The following TMEM181 variants were observed in gnomAD, a reference collection of about 807,000 sequenced individuals.
TMEM181 encodes the protein transmembrane protein 181, also known as G protein-coupled receptor 178.
TMEM181 carries 39 observed loss-of-function variants against 71.9 expected under a neutral mutation model. That is an observed-to-expected ratio of 0.54 (90% CI 0.42 to 0.71). The LOEUF is 0.71. Among genes scored for constraint, TMEM181 ranks in the 30% least tolerant of loss-of-function variants. The pLI is 0.00. For synonymous variants in TMEM181, 245 were observed against 228.8 expected, an observed-to-expected ratio of 1.07 and a Z score of -0.64; for missense variants, 595 against 583.0, an observed-to-expected ratio of 1.02 and a Z score of -0.21.
intron 2 of TMEM181, among the ~76,000 whole-genome samples, chr6:158,579,760 AC>A (rs529725358): frequency 1.3e-3 from 197 of 152,274 alleles, no homozygotes; most frequent in Non-Finnish European, 1.9e-3. Context: ...GGAAATTCAT[AC>A]AGAAGCTATA....
chr6:158,593,008 G>A (rs145179020), intron 6 of TMEM181, among the ~76,000 whole-genome samples: 1 of 151,808 alleles, frequency 6.6e-6, no homozygotes, highest in South Asian at 2.1e-4. Context: ...ACACATGAGT[G>A]GGGGGGTGTG....
chr6:158,574,592 T>G (rs1783058080), intron 2 of TMEM181, among the ~76,000 whole-genome samples: 1 of 152,224 alleles, frequency 6.6e-6, no homozygotes, highest in Non-Finnish European at 1.5e-5. Flanking sequence ...TCTCCATTCT[T>G]GCAGAAATGA....
chr6:158,543,556 G>A (rs1781426560), intron 1 of TMEM181, among the ~76,000 whole-genome samples: 1 of 152,234 alleles, frequency 6.6e-6, no homozygotes, highest in Non-Finnish European at 1.5e-5. Context: ...TCCTCCTGAG[G>A]GACATTCTGT....
At chr6:158,631,707 C>A in intron 16 of TMEM181, 103 bp from the exon 17 acceptor site, 1 of 1,314,364 alleles carries the variant, frequency 7.6e-7, no homozygotes, top group Non-Finnish European at 1.1e-6. Flanking sequence ...ATTGAAAGAG[C>A]GAAGCTATGA....
intron 11 of TMEM181, among the ~76,000 whole-genome samples, chr6:158,624,430 T>TG (rs894999507): frequency 2.6e-5 from 4 of 152,112 alleles, no homozygotes; most frequent in African/African-American, 9.7e-5. Flanking sequence ...AGGAAAGGGG[T>TG]GGGGGGATGG....
intron 5 of TMEM181, among the ~76,000 whole-genome samples, chr6:158,586,672 G>T (rs893368964): frequency 4.6e-5 from 7 of 152,286 alleles, no homozygotes; most frequent in Admixed American, 1.3e-4. Flanking sequence ...CAAGGGCTAG[G>T]CGCAGTGGCT....
intron 6 of TMEM181, among the ~76,000 whole-genome samples, chr6:158,599,470 G>A (rs2128311300): frequency 6.6e-6 from 1 of 152,376 alleles, no homozygotes; most frequent in South Asian, 2.1e-4. Context: ...CAAAAGGAAT[G>A]TCTAAGCCGG....
chr6:158,540,209 C>A (rs1395454413), intron 1 of TMEM181, among the ~76,000 whole-genome samples: 1 of 152,180 alleles, frequency 6.6e-6, no homozygotes, highest in African/African-American at 2.4e-5. Flanking sequence ...CCTTGAATCT[C>A]CGTATCTACA....
At chr6:158,545,517 G>A (rs1163299069) in intron 1 of TMEM181, among the ~76,000 whole-genome samples, 3 of 152,242 alleles carry the variant, frequency 2.0e-5, no homozygotes, top group South Asian at 2.1e-4. Context: ...AACGCCGCCC[G>A]CTTTTCCAGC....
chr6:158,598,681 TA>T (rs1197866473), intron 6 of TMEM181, among the ~76,000 whole-genome samples: 2 of 151,920 alleles, frequency 1.3e-5, no homozygotes, highest in East Asian at 3.9e-4. Flanking sequence ...TTTATTTATT[TA>T]TTTTTTTTTG....
rs772836867 is a variant in TMEM181 at position 158,626,277 on chromosome 6, C to G, written c.1109+523C>G. On this transcript the variant is annotated intron_variant, in intron 13 of 16. Coordinates refer to ENST00000684151, the MANE Select transcript of TMEM181 (RefSeq NM_001376852.1). Reference sequence around the variant, plus strand: ...GAGTGCCCCAGACCTCCCTGGGGACCGGTGCTGGCCAGTTGGTAGAGGAAC... The same window carrying G: ...GAGTGCCCCAGACCTCCCTGGGGACGGGTGCTGGCCAGTTGGTAGAGGAAC... 2.6e-5 allele frequency among the ~76,000 whole-genome samples: 4 copies of G among 152,076 alleles called. No individual in the cohort carries two copies. The South Asian group carries it at 8.3e-4, about 32-fold the overall frequency.
At position 158,619,426 on chromosome 6, in the gene TMEM181, C is replaced by T. The variant is rs147793009; in HGVS notation, c.897-4124C>T. On this transcript the variant is annotated intron_variant, in intron 10 of 16. Coordinates refer to ENST00000684151, the MANE Select transcript of TMEM181 (RefSeq NM_001376852.1). Reference sequence around the variant, plus strand: ...TTTTTCAAGGTTTTTAGCTTCTTGGCGATGGGTTCGAACATCCTCCTTTAG... The same window carrying T: ...TTTTTCAAGGTTTTTAGCTTCTTGGTGATGGGTTCGAACATCCTCCTTTAG... 4.6e-3 allele frequency among the ~76,000 whole-genome samples: 702 copies of T among 152,210 alleles called. 4 individuals are homozygous for T. Among genetic ancestry groups the T allele is most frequent in the African/African-American group, 0.016 (663 of 41,524 alleles).
At chr6:158,588,132 T>A (rs1783889234) in intron 5 of TMEM181, among the ~76,000 whole-genome samples, 1 of 152,334 alleles carries the variant, frequency 6.6e-6, no homozygotes, top group Middle Eastern at 3.4e-3. Context: ...CCCTTTCCAA[T>A]GTGATGAAAA....
At chr6:158,611,128 C>T in intron 10 of TMEM181, 1 of 524,146 alleles carries the variant, frequency 1.9e-6, no homozygotes, top group South Asian at 1.4e-5. Context: ...CAGTGGGTTT[C>T]TCCTGAGGGT....
At position 158,634,268 on chromosome 6, in the gene TMEM181, A is replaced by C. The variant is rs1276536654; in HGVS notation, c.*2380A>C. On this transcript the variant is annotated 3_prime_UTR_variant, in exon 17 of 17. Coordinates refer to ENST00000684151, the MANE Select transcript of TMEM181 (RefSeq NM_001376852.1). ...CGACATATTACATACCCCATGTAAA[A>C]TTTTGCTTAAACTCTCTAGCACTTG... 6.6e-6 allele frequency: 1 copy of C among 152,228 alleles called. No individual in the cohort carries two copies. Among genetic ancestry groups the C allele is most frequent in the Non-Finnish European group, 1.5e-5 (1 of 68,046 alleles). 9.4% of individuals were successfully genotyped at this position (152,228 alleles called of 1,614,324 possible).
At position 158,605,454 on chromosome 6, in the gene TMEM181, A is replaced by G. The variant is rs999284457; in HGVS notation, c.573+107A>G. 7.6e-5 allele frequency: 77 copies of G among 1,017,254 alleles called. No homozygotes were observed. The African/African-American group carries it at 1.1e-3, about 14-fold the overall frequency. The allele number at this position is 1,017,254 out of a possible 1,614,324, so 63.0% of individuals were successfully genotyped here. On this transcript the variant is annotated intron_variant, in intron 7 of 16. Transcript: ENST00000684151. ...GCCACATGGAGATTGATCTGAACTC[A>G]GATGCTCCATCCAGTGGGCTGTGCT... is the stretch of plus-strand genomic sequence containing the variant.
At chr6:158,558,571 A>T (rs1781989880), upstream of TMEM181, among the ~76,000 whole-genome samples, 1 of 152,160 alleles carries the variant, frequency 6.6e-6, no homozygotes, top group Non-Finnish European at 1.5e-5. Flanking sequence ...AGCTTATTTG[A>T]ATCAGCTAAC....
At chr6:158,606,777 A>G (rs551428734) in intron 7 of TMEM181, among the ~76,000 whole-genome samples, 1 of 152,340 alleles carries the variant, frequency 6.6e-6, no homozygotes, top group East Asian at 1.9e-4. Context: ...CCCTGGCACC[A>G]TCTTGGAAGC....
intron 1 of TMEM181, among the ~76,000 whole-genome samples, chr6:158,538,003 G>T (rs767167171): frequency 6.6e-6 from 1 of 152,138 alleles, no homozygotes; most frequent in Non-Finnish European, 1.5e-5. Flanking sequence ...TTTGGGGCGA[G>T]CCTGGAAATC....
Sources: allele counts gnomAD v4.1 joint callset (sites outside exome capture counted in the v4.1 genomes callset), GRCh38; gene constraint gnomAD v4.1.1; transcripts MANE v1.5; gene names NCBI Gene and HGNC (gene_info 2026-07-23, HGNC 2026-07-21).